Variants in PRPF38B observed in about 807,000 individuals in gnomAD.
PRPF38B encodes pre-mRNA-splicing factor 38B.
PRPF38B carries 18 observed loss-of-function variants against 67.2 expected under a neutral mutation model. The observed-to-expected ratio is 0.27, with a 90% CI of 0.19 to 0.40. PRPF38B has a LOEUF of 0.40. PRPF38B is among the 10% of genes least tolerant of loss of function. The pLI is 1.00. For synonymous variants in PRPF38B, 246 were observed against 234.2 expected, an observed-to-expected ratio of 1.05 and a Z score of -0.46; for missense variants, 544 against 684.9, an observed-to-expected ratio of 0.79 and a Z score of 2.30.
chr1:108,702,357 C>G lies in PRPF38B; in HGVS notation c.*2337C>G, dbSNP rs1422667752. Reference sequence around the variant, plus strand: ...CAGGCTGGTCTTGAACTCCTGGCCTCAAGTGATCCACCCACCTCAGCCTCC... The same window carrying G: ...CAGGCTGGTCTTGAACTCCTGGCCTGAAGTGATCCACCCACCTCAGCCTCC... On this transcript the variant is annotated 3_prime_UTR_variant, in exon 6 of 6. Transcript: ENST00000370025. Among the ~76,000 whole-genome samples the G allele has an allele frequency of 6.6e-6, 1 of 152,164 alleles. No homozygotes were observed. The highest frequency in any genetic ancestry group is 1.9e-4 in the East Asian group (1 of 5,198).
At chr1:108,694,387 G>C (rs1264812311) in intron 1 of PRPF38B, among the ~76,000 whole-genome samples, 1 of 152,118 alleles carries the variant, frequency 6.6e-6, no homozygotes, top group East Asian at 1.9e-4. Flanking sequence ...AATGTGTTTT[G>C]AAACAAGATT....
In PRPF38B at chr1:108,699,241, T is replaced by A; in HGVS notation, c.862T>A (p.Ser288Thr). The A allele has an allele frequency of 6.2e-7, 1 of 1,614,058 alleles. No individual in the cohort carries two copies. The change falls in exon 6 of 6, where the codon TCT becomes ACT. Residue 288 changes from serine (S) to threonine (T), a missense_variant. Ser to Thr is a moderately conservative substitution (Grantham distance 58). Around this residue, in one of 5 missense-constraint regions of PRPF38B, gnomAD observed 387 missense variants for 386.1 expected, o/e 1.00. Transcript: ENST00000370025. ...SRSHHREGHG[S>T]SSFDRELERE... ...AAGTCATCATCGGGAGGGCCATGGG[T>A]CTTCTAGTTTTGACAGAGAATTAGA...
chr1:108,696,318 C>A lies in PRPF38B; in HGVS notation c.539C>A (p.Ser180Tyr). The change falls in exon 4 of 6, where the codon TCC becomes TAC. Residue 180 changes from serine (S) to tyrosine (Y), a missense_variant. Around this residue, in one of 5 missense-constraint regions of PRPF38B, gnomAD observed 57 missense variants for 122.7 expected, o/e 0.46. Transcript: ENST00000370025. ...PPTDLWDWFE[S>Y]FLDDEEDLDV... ...ACAGATCTGTGGGACTGGTTTGAAT[C>A]CTTCCTTGATGATGAAGAGGTATGT... The A allele has an allele frequency of 6.2e-7, 1 of 1,611,798 alleles. No homozygotes were observed. Among genetic ancestry groups the A allele is most frequent in the Non-Finnish European group, 8.5e-7 (1 of 1,178,640 alleles).
At chr1:108,694,765 A>T (rs113778210) in intron 1 of PRPF38B, among the ~76,000 whole-genome samples, 16 of 135,000 alleles carry the variant, frequency 1.2e-4, no homozygotes, top group East Asian at 3.9e-4. Context: ...TTATGTTTTT[A>T]AAAAAAAACA....
intron 4 of PRPF38B, 95 bp downstream of exon 4, chr1:108,696,432 C>T (rs752716672): frequency 6.2e-6 from 7 of 1,122,488 alleles, no homozygotes; most frequent in Middle Eastern, 3.0e-4. Context: ...TCAAGAACTT[C>T]CTGTAGTTAA....
At position 108,699,577 on chromosome 1, in the gene PRPF38B, G is replaced by C. The variant is rs1331955858; in HGVS notation, c.1198G>C (p.Glu400Gln). 6.4e-7 allele frequency: 1 copy of C among 1,553,236 alleles called. No homozygotes were observed. Among genetic ancestry groups the C allele is most frequent in the South Asian group, 1.2e-5 (1 of 84,410 alleles). Residue 400 changes from glutamate (E) to glutamine (Q), a missense_variant, in exon 6 of 6, where the codon GAG (glutamate) becomes CAG (glutamine). Coordinates refer to ENST00000370025, the MANE Select transcript of PRPF38B (RefSeq NM_018061.4). ...ACAGAGAAGTAGGGGAGAGGTAGAA[G>C]AGAAGAAACATAAAGAAGACAAAGA... is the stretch of plus-strand genomic sequence containing the variant. ...KEQRSRGEVE[E>Q]KKHKEDKDDR...
chr1:108,695,646 C>T, intron 1 of PRPF38B, 56 bp from the exon 2 acceptor site: 1 of 1,566,254 alleles, frequency 6.4e-7, no homozygotes, highest in Non-Finnish European at 8.7e-7. Flanking sequence ...TTTTATCAGG[C>T]TTTTAAACAA....
At chr1:108,694,995 G>T (rs549524186) in intron 1 of PRPF38B, among the ~76,000 whole-genome samples, 32 of 152,150 alleles carry the variant, frequency 2.1e-4, no homozygotes, top group African/African-American at 7.2e-4. Context: ...GGGAATAATT[G>T]GATTGGTTCA....
chr1:108,695,871 T>G (rs1659815901), intron 2 of PRPF38B, 101 bp downstream of exon 2: 1 of 1,410,528 alleles, frequency 7.1e-7, no homozygotes, highest in Non-Finnish European at 9.7e-7. Flanking sequence ...GAGTGACAAT[T>G]TTTTTAATCC....
rs748153821 is a variant in PRPF38B at position 108,696,090 on chromosome 1, G to C, written c.393G>C (p.Leu131=). ...GAATTGTTTCTACAGCATTTTGCCT[G>C]TTATACAAATTATTTACCCTGAAGT... The part of the protein sequence containing the change: ...TGGIVSTAFC[L]LYKLFTLKLT... The change falls in exon 3 of 6, where the codon CTG becomes CTC. Residue 131 remains leucine (L), a synonymous_variant. Coordinates refer to ENST00000370025, the MANE Select transcript of PRPF38B (RefSeq NM_018061.4). 6.2e-7 allele frequency: 1 copy of C among 1,613,972 alleles called. No homozygotes were observed. The highest frequency in any genetic ancestry group is 2.2e-5 in the East Asian group (1 of 44,862).
rs1660521603 is a variant in PRPF38B at position 108,701,771 on chromosome 1, A to G, written c.*1751A>G. The G allele has an allele frequency of 6.6e-6, 1 of 152,246 alleles. No individual in the cohort carries two copies. The highest frequency in any genetic ancestry group is 2.1e-4 in the South Asian group (1 of 4,836). 9.4% of individuals were successfully genotyped at this position (152,246 alleles called of 1,614,324 possible). A position where few individuals can be genotyped will look rare whatever the true frequency, so the allele number is the denominator to read the frequency against. On this transcript the variant is annotated 3_prime_UTR_variant, in exon 6 of 6. Transcript: ENST00000370025. ...CTTAACATATGTACCACTCCATTTT[A>G]GAAAAATCTCATTAAATGAATTCTT...
In PRPF38B at chr1:108,702,883, G is replaced by C. The variant is rs895582715; in HGVS notation, c.*2863G>C. Reference sequence around the variant, plus strand: ...TTCCATGTATTAAAATCTTTTGCCTGTTTTTAATGTTCAATTTGCAATTAA... The same window carrying C: ...TTCCATGTATTAAAATCTTTTGCCTCTTTTTAATGTTCAATTTGCAATTAA... On this transcript the variant is annotated 3_prime_UTR_variant, in exon 6 of 6. Coordinates refer to ENST00000370025, the MANE Select transcript of PRPF38B (RefSeq NM_018061.4). 6.6e-6 allele frequency among the ~76,000 whole-genome samples: 1 copy of C among 152,144 alleles called. No individual in the cohort carries two copies. The highest frequency in any genetic ancestry group is 1.5e-5 in the Non-Finnish European group (1 of 68,018).
chr1:108,696,760 T>A (rs2101042958), intron 4 of PRPF38B: 2 of 717,018 alleles, frequency 2.8e-6, no homozygotes, highest in South Asian at 1.5e-5. Context: ...TCTAGCTTCT[T>A]CCAAATATCA....
rs1557776335 is a variant in PRPF38B, at chr1:108,701,027, A to AG, written c.*1008dup. 6.6e-6 allele frequency: 1 copy of AG among 152,594 alleles called. No homozygotes were observed. The highest frequency in any genetic ancestry group is 1.5e-5 in the Non-Finnish European group (1 of 68,018). 9.5% of individuals were successfully genotyped at this position (152,594 alleles called of 1,614,324 possible). A position where few individuals can be genotyped will look rare whatever the true frequency, so the allele number is the denominator to read the frequency against. On this transcript the variant is annotated 3_prime_UTR_variant, in exon 6 of 6. Coordinates refer to ENST00000370025, the MANE Select transcript of PRPF38B (RefSeq NM_018061.4). ...TATTGATAATGGAGATTGCTGTTTG[A>AG]GTTTTTAAACTTAATCTAGAACAGA...
At chr1:108,696,702 T>A (rs970282208) in intron 4 of PRPF38B, 1 of 715,924 alleles carries the variant, frequency 1.4e-6, no homozygotes, top group African/African-American at 1.7e-5. Flanking sequence ...GCACATAGAA[T>A]ACTAATTGTA....
Position 108,692,545 on chromosome 1 carries a change from G to T in PRPF38B, c.-47G>T. Reference sequence around the variant, plus strand: ...TGTCCCGAAGAGCGAGATCGAGCTTGGCCCCCTCCCCCCCCTCCTTCCCTC... The same window carrying T: ...TGTCCCGAAGAGCGAGATCGAGCTTTGCCCCCTCCCCCCCCTCCTTCCCTC... On this transcript the variant is annotated 5_prime_UTR_variant, in exon 1 of 6. Transcript: ENST00000370025. The T allele has an allele frequency of 6.7e-7, 1 of 1,496,180 alleles. No homozygotes were observed. Among genetic ancestry groups the T allele is most frequent in the Non-Finnish European group, 8.9e-7 (1 of 1,123,432 alleles). 92.7% of individuals were successfully genotyped at this position (1,496,180 alleles called of 1,614,324 possible).
rs749791483 is a variant in PRPF38B at position 108,692,563 on chromosome 1, C to T, written c.-29C>T. 7 of 1,519,096 alleles carry T rather than the reference C, an allele frequency of 4.6e-6. No individual in the cohort carries two copies. The highest frequency in any genetic ancestry group is 1.4e-5 in the African/African-American group (1 of 72,378). The allele number at this position is 1,519,096 out of a possible 1,614,324, so 94.1% of individuals were successfully genotyped here. On this transcript the variant is annotated 5_prime_UTR_variant, in exon 1 of 6. Transcript: ENST00000370025. ...CGAGCTTGGCCCCCTCCCCCCCCTC[C>T]TTCCCTCCCTCCTTCCTTCCGCCGC...
At position 108,692,560 on chromosome 1, in the gene PRPF38B, C is replaced by T. The variant is rs769822169; in HGVS notation, c.-32C>T. 25 of 1,513,238 alleles carry T rather than the reference C, an allele frequency of 1.7e-5. No individual in the cohort carries two copies. Among genetic ancestry groups the T allele is most frequent in the Middle Eastern group, 2.2e-4 (1 of 4,570 alleles). The allele number at this position is 1,513,238 out of a possible 1,614,324, so 93.7% of individuals were successfully genotyped here. The stretch of plus-strand genomic sequence containing the variant: ...GATCGAGCTTGGCCCCCTCCCCCCC[C>T]TCCTTCCCTCCCTCCTTCCTTCCGC... On this transcript the variant is annotated 5_prime_UTR_variant, in exon 1 of 6. Coordinates refer to ENST00000370025, the MANE Select transcript of PRPF38B (RefSeq NM_018061.4).
At chr1:108,695,200 T>A (rs1412017190) in intron 1 of PRPF38B, among the ~76,000 whole-genome samples, 1 of 152,234 alleles carries the variant, frequency 6.6e-6, no homozygotes, top group African/African-American at 2.4e-5. Flanking sequence ...AATTTTATAA[T>A]GTAGATTTTA....
Sources: allele counts gnomAD v4.1 joint callset (sites outside exome capture counted in the v4.1 genomes callset), GRCh38; gene constraint gnomAD v4.1.1; regional missense constraint gnomAD v4.1.1; transcripts MANE v1.5; gene names NCBI Gene and HGNC (gene_info 2026-07-23, HGNC 2026-07-21).